Variants in MED12L observed in about 807,000 individuals in gnomAD.
MED12L encodes mediator complex subunit 12L, also known as mediator of RNA polymerase II transcription subunit 12-like protein.
MED12L carries 60 observed loss-of-function variants against 281.3 expected under a neutral mutation model. The observed-to-expected ratio is 0.21, with a 90% CI of 0.17 to 0.26. The LOEUF is 0.26. Among genes scored for constraint, MED12L ranks in the 10% least tolerant of loss-of-function variants. MED12L has a pLI of 1.00. For synonymous variants in MED12L, 974 were observed against 987.2 expected, an observed-to-expected ratio of 0.99 and a Z score of 0.25; for missense variants, 2,146 against 2,680.9, an observed-to-expected ratio of 0.80 and a Z score of 4.41.
chr3:151,223,190 A>AAG (rs9289833), intron 16 of MED12L, among the ~76,000 whole-genome samples: 9 of 150,302 alleles, frequency 6.0e-5, no homozygotes, highest in Admixed American at 6.0e-4. Context: ...AAAAAAAAAA[A>AAG]CTAGATGTCA....
intron 16 of MED12L, among the ~76,000 whole-genome samples, chr3:151,245,188 G>T (rs1170850712): frequency 6.6e-6 from 1 of 152,188 alleles, no homozygotes; most frequent in African/African-American, 2.4e-5. Context: ...TCTACCAGAG[G>T]TATAAGGAGG....
chr3:151,216,307 A>G (rs750608571), intron 16 of MED12L, among the ~76,000 whole-genome samples: 57 of 152,214 alleles, frequency 3.7e-4, no homozygotes, highest in Non-Finnish European at 1.3e-4. Flanking sequence ...GGGTACCTTG[A>G]TGTCAGAGAA....
intron 21 of MED12L, 34 bp downstream of exon 21, chr3:151,360,639 G>T (rs1175371652): frequency 5.7e-6 from 9 of 1,583,970 alleles, no homozygotes; most frequent in South Asian, 1.2e-5. Flanking sequence ...ACAGAAATAG[G>T]ATCATGCCTA....
At chr3:151,138,703 G>T (rs1323280619) in intron 5 of MED12L, among the ~76,000 whole-genome samples, 1 of 152,192 alleles carries the variant, frequency 6.6e-6, no homozygotes, top group Non-Finnish European at 1.5e-5. Context: ...CAGGGTTACA[G>T]AAGTCAAATG....
intron 5 of MED12L, among the ~76,000 whole-genome samples, chr3:151,147,257 G>A (rs556496636): frequency 6.6e-6 from 1 of 152,098 alleles, no homozygotes; most frequent in East Asian, 1.9e-4. Flanking sequence ...TTATCAGTAT[G>A]GAGTAATCTT....
chr3:151,188,102 T>C, intron 12 of MED12L: 1 of 254,442 alleles, frequency 3.9e-6, no homozygotes, highest in Non-Finnish European at 7.6e-6. Context: ...TTCACCTGTC[T>C]ACGGCCATAC....
intron 38 of MED12L, among the ~76,000 whole-genome samples, chr3:151,394,268 A>T (rs891550446): frequency 6.6e-6 from 1 of 152,242 alleles, no homozygotes; most frequent in South Asian, 2.1e-4. Flanking sequence ...AAAAGGATTT[A>T]TATGAATGGC....
Position 151,190,794 on chromosome 3 carries a change from G to A in MED12L, c.1831G>A (p.Val611Ile), listed in dbSNP as rs764338123. ...LLFCEFIRHD[V>I]FSHDAYMCTL... ...CTTCTGCGAGTTCATCCGCCATGAT[G>A]TCTTCTCCCATGACGCATACATGTG... The change falls in exon 14 of 45, where the codon GTC (valine) becomes ATC (isoleucine). Residue 611 changes from valine to isoleucine, a missense_variant. Physicochemically the swap from Val to Ile is conservative, Grantham distance 29. This residue lies in a region of MED12L where 722 missense variants were observed against 861.2 expected (regional missense o/e 0.84). Transcript: ENST00000687756. The A allele has an allele frequency of 1.8e-5, 29 of 1,614,220 alleles. No homozygotes were observed. Among genetic ancestry groups the A allele is most frequent in the South Asian group, 1.3e-4 (12 of 91,086 alleles).
At chr3:151,232,953 C>G (rs758880773) in intron 16 of MED12L, among the ~76,000 whole-genome samples, 1 of 152,186 alleles carries the variant, frequency 6.6e-6, no homozygotes, top group Non-Finnish European at 1.5e-5. Flanking sequence ...AAACCATCAT[C>G]TGTAAAACAA....
At chr3:151,236,620 A>G (rs111628086) in intron 16 of MED12L, among the ~76,000 whole-genome samples, 13 of 152,240 alleles carry the variant, frequency 8.5e-5, no homozygotes, top group African/African-American at 2.6e-4. Context: ...GTGTTCTTCA[A>G]TCTTTCACTT....
intron 5 of MED12L, among the ~76,000 whole-genome samples, chr3:151,146,291 G>A (rs1398061384): frequency 6.6e-6 from 1 of 152,146 alleles, no homozygotes; most frequent in Non-Finnish European, 1.5e-5. Flanking sequence ...CCTGCCATCT[G>A]CATTGCCTGA....
At chr3:151,151,449 C>T (rs1048051618) in intron 5 of MED12L, among the ~76,000 whole-genome samples, 7 of 152,076 alleles carry the variant, frequency 4.6e-5, no homozygotes, top group South Asian at 2.1e-4. Flanking sequence ...ATGCCTTCCT[C>T]GCTGAGCTTA....
chr3:151,167,345 G>A (rs1362460635), intron 11 of MED12L, among the ~76,000 whole-genome samples: 1 of 152,156 alleles, frequency 6.6e-6, no homozygotes, highest in Non-Finnish European at 1.5e-5. Context: ...CCTGTGCTAG[G>A]CACTAGGACT....
At chr3:151,301,520 T>C (rs1435885065) in intron 16 of MED12L, among the ~76,000 whole-genome samples, 5 of 152,212 alleles carry the variant, frequency 3.3e-5, no homozygotes, top group African/African-American at 9.6e-5. Flanking sequence ...GCATGTTATA[T>C]TTCTCATAAA....
rs1719116895 is a variant in MED12L, at chr3:151,428,566, C to T, written c.6409-1733C>T. Among the ~76,000 whole-genome samples the T allele has an allele frequency of 3.3e-5, 5 of 152,114 alleles. No individual in the cohort carries two copies. The South Asian group carries it at 1.0e-3, about 31-fold the overall frequency. On this transcript the variant is annotated intron_variant, in intron 43 of 44. Transcript: ENST00000687756. ...AGCACCTGCTGTGTGCCTGGCAGTA[C>T]CGGATATTACAGATACATCAGTAGG...
rs1415274975 is a variant in MED12L at position 151,165,884 on chromosome 3, T to C, written c.1396T>C (p.Leu466=). The C allele has an allele frequency of 5.0e-6, 8 of 1,614,000 alleles. No individual in the cohort carries two copies. In the African/African-American group the frequency reaches 1.1e-4, roughly 22 times the overall value. ...ISRVLHTLEV[L]DRHCFDRTDS... ...TCGGGTTTTGCACACGTTGGAAGTT[T>C]TGGATCGTCACTGTTTTGACCGAAC... The change falls in exon 11 of 45, where the codon TTG becomes CTG. Residue 466 remains leucine, a synonymous_variant. Transcript: ENST00000687756.
intron 38 of MED12L, among the ~76,000 whole-genome samples, chr3:151,394,083 A>C (rs1385286257): frequency 6.6e-6 from 1 of 152,216 alleles, no homozygotes; most frequent in South Asian, 2.1e-4. Flanking sequence ...TTGCTTGTTT[A>C]TTTGATTTTT....
intron 16 of MED12L, among the ~76,000 whole-genome samples, chr3:151,299,267 A>T (rs1329610895): frequency 1.3e-5 from 2 of 152,072 alleles, no homozygotes; most frequent in Non-Finnish European, 2.9e-5. Context: ...GAAATAATAA[A>T]AGTCATTCAA....
intron 42 of MED12L, 63 bp downstream of exon 42, chr3:151,413,358 C>T (rs1717170854): frequency 6.6e-7 from 1 of 1,521,438 alleles, no homozygotes; most frequent in Non-Finnish European, 8.9e-7. Context: ...ATGCAACAGT[C>T]ATAAAAAATG....
Sources: gnomAD v4.1 joint callset for allele counts (sites outside exome capture counted in the v4.1 genomes callset) on GRCh38, gnomAD v4.1.1 for gene constraint, gnomAD v4.1.1 regional missense constraint, MANE v1.5 for transcripts, NCBI Gene and HGNC (gene_info 2026-07-23, HGNC 2026-07-21) for gene names.